The following ZNF382 variants were observed in gnomAD, a reference collection of about 807,000 sequenced individuals.
ZNF382 encodes the protein zinc finger protein 382.
ZNF382 carries 20 observed loss-of-function variants against 38.8 expected under a neutral mutation model. That is an observed-to-expected ratio of 0.51 (90% confidence interval 0.36 to 0.75). The LOEUF (loss-of-function observed/expected upper bound fraction) is 0.75. ZNF382 is among the 30% of genes least tolerant of loss of function. The pLI is 0.00. For synonymous variants in ZNF382, 202 were observed against 223.1 expected (o/e 0.91, Z 0.84); for missense variants, 546 against 654.1 (o/e 0.83, Z 1.80).
At chr19:36,607,116 T>C (rs2037038641) in intron 1 of ZNF382, among the ~76,000 whole-genome samples, 1 of 149,664 alleles carries the variant, frequency 6.7e-6, no homozygotes, top group African/African-American at 2.5e-5. Flanking sequence ...AACTACAACA[T>C]AGACCAGATA....
intron 4 of ZNF382, among the ~76,000 whole-genome samples, chr19:36,613,371 C>G (rs1038036828): frequency 4.7e-5 from 7 of 147,390 alleles, no homozygotes; most frequent in African/African-American, 1.7e-4. Context: ...GGATAATTCT[C>G]TTTTCTAGGT....
In ZNF382 at chr19:36,630,831, C is replaced by G. The variant is rs2037249809; in HGVS notation, c.*3281C>G. 1 of 151,676 alleles carries G rather than the reference C, an allele frequency of 6.6e-6. No homozygotes were observed. The highest frequency in any genetic ancestry group is 2.4e-5 in the African/African-American group (1 of 41,288). 9.4% of individuals were successfully genotyped at this position (151,676 alleles called of 1,614,324 possible). A position where few individuals can be genotyped will look rare whatever the true frequency, so the allele number is the denominator to read the frequency against. The stretch of plus-strand genomic sequence containing the variant: ...ACAGGTTCTCAGTCTGTCACCTAGG[C>G]TGGAGTAGAGTGGTGCCATTATAGC... On this transcript the variant is annotated 3_prime_UTR_variant, in exon 5 of 5. Coordinates refer to ENST00000292928, the MANE Select transcript of ZNF382 (RefSeq NM_032825.5).
intron 4 of ZNF382, among the ~76,000 whole-genome samples, chr19:36,623,914 C>A (rs1308693902): frequency 2.0e-5 from 3 of 151,692 alleles, no homozygotes. Flanking sequence ...CATAGTGAAA[C>A]CCTGTCTCTA....
rs563780133 is a variant in ZNF382 at position 36,628,471 on chromosome 19, C to T, written c.*921C>T. ...GCTGGTTCAAACCAGAGAATTCATG[C>T]TGCAGGGAAACTCAATCAATGTTAT... On this transcript the variant is annotated 3_prime_UTR_variant, in exon 5 of 5. Coordinates refer to ENST00000292928, the MANE Select transcript of ZNF382 (RefSeq NM_032825.5). 5 of 153,230 alleles carry T rather than the reference C, an allele frequency of 3.3e-5. No homozygotes were observed. The East Asian group carries it at 7.7e-4, about 24-fold the overall frequency. The allele number at this position is 153,230 out of a possible 1,614,324, so 9.5% of individuals were successfully genotyped here. A position where few individuals can be genotyped will look rare whatever the true frequency, so the allele number is the denominator to read the frequency against.
chr19:36,622,854 TATATA>T (rs1391256923), intron 4 of ZNF382, among the ~76,000 whole-genome samples: 1 of 152,214 alleles, frequency 6.6e-6, no homozygotes, highest in Non-Finnish European at 1.5e-5. Flanking sequence ...CACACAATAC[TATATA>T]ATATATCATT....
chr19:36,628,684 A>G lies in ZNF382; in HGVS notation c.*1134A>G, dbSNP rs2037234372. ...TGTTCAACATCAGAGAATTCCAACT[A>G]GAGAAAAGTCCTGTGACTGTGTTGA... On this transcript the variant is annotated 3_prime_UTR_variant, in exon 5 of 5. Transcript: ENST00000292928. 1 of 152,594 alleles carries G rather than the reference A, an allele frequency of 6.6e-6. No individual in the cohort carries two copies. The highest frequency in any genetic ancestry group is 1.5e-5 in the Non-Finnish European group (1 of 68,028). The allele number at this position is 152,594 out of a possible 1,614,324, so 9.5% of individuals were successfully genotyped here. A position where few individuals can be genotyped will look rare whatever the true frequency, so the allele number is the denominator to read the frequency against.
intron 4 of ZNF382, among the ~76,000 whole-genome samples, chr19:36,622,486 C>T (rs996383408): frequency 1.7e-4 from 26 of 152,140 alleles, no homozygotes; most frequent in African/African-American, 5.8e-4. Context: ...GCCCTATCGC[C>T]GTGGAGTCAT....
rs766485216 is a variant in ZNF382 at position 36,626,342 on chromosome 19, C to G, written c.445C>G (p.Leu149Val). ...DGKVLKNISE[L>V]VIRNISPIKE... ...AAAAGTTTTGAAAAATATTTCAGAA[C>G]TAGTCATTAGAAATATAAGCCCCAT... is the stretch of plus-strand genomic sequence containing the variant. The change falls in exon 5 of 5, where the codon CTA becomes GTA. Residue 149 changes from leucine to valine, a missense_variant. Leu to Val is a conservative substitution (Grantham distance 32). Coordinates refer to ENST00000292928, the MANE Select transcript of ZNF382 (RefSeq NM_032825.5). 1 of 1,581,042 alleles carries G rather than the reference C, an allele frequency of 6.3e-7. No homozygotes were observed. Among genetic ancestry groups the G allele is most frequent in the Non-Finnish European group, 8.6e-7 (1 of 1,168,992 alleles).
intron 4 of ZNF382, among the ~76,000 whole-genome samples, chr19:36,616,747 G>C (rs2037128946): frequency 6.6e-6 from 1 of 152,202 alleles, no homozygotes; most frequent in Non-Finnish European, 1.5e-5. Flanking sequence ...GCTTGGCTGA[G>C]TGAATAAAAT....
chr19:36,627,019 T>C lies in ZNF382; in HGVS notation c.1122T>C (p.His374=), dbSNP rs768671768. 3 of 1,613,440 alleles carry C rather than the reference T, an allele frequency of 1.9e-6. No individual in the cohort carries two copies. The highest frequency in any genetic ancestry group is 2.5e-6 in the Non-Finnish European group (3 of 1,179,880). ...CCCTCACTAGACATCACAAAACACA[T>C]ACGGGGGAGAAAGCCTATGAATGTC... is the stretch of plus-strand genomic sequence containing the variant. ...KATLTRHHKT[H]TGEKAYECPQ... Residue 374 remains histidine (H), a synonymous_variant, in exon 5 of 5, where the codon CAT becomes CAC. Coordinates refer to ENST00000292928, the MANE Select transcript of ZNF382 (RefSeq NM_032825.5).
At chr19:36,605,623 C>G (rs1233597365) in intron 1 of ZNF382, 1 of 152,224 alleles carries the variant, frequency 6.6e-6, no homozygotes, top group Non-Finnish European at 1.5e-5. Context: ...CCCGCGGAAG[C>G]GCCATCGCTG....
intron 4 of ZNF382, among the ~76,000 whole-genome samples, chr19:36,612,433 G>T (rs2037085162): frequency 6.6e-6 from 1 of 152,134 alleles, no homozygotes; most frequent in Non-Finnish European, 1.5e-5. Flanking sequence ...AAATATTTTT[G>T]TGGACATACA....
chr19:36,621,324 G>GTTTTTTTTTTTTTTTTTTTT, intron 4 of ZNF382, among the ~76,000 whole-genome samples: 1 of 104,472 alleles, frequency 9.6e-6, no homozygotes, highest in Non-Finnish European at 1.9e-5. Flanking sequence ...TTTTTCCCTA[G>GTTTTTTTTTTTTTTTTTTTT]TTTTTTTTTT....
At chr19:36,607,643 T>C (rs1400110475) in intron 2 of ZNF382, 21 bp downstream of exon 2, 1 of 1,513,836 alleles carries the variant, frequency 6.6e-7, no homozygotes, top group African/African-American at 1.4e-5. Flanking sequence ...GTTTCCTCTC[T>C]TTCTGAAATA....
In ZNF382 at chr19:36,632,420, C is replaced by T. The variant is rs918456258; in HGVS notation, c.*4870C>T. ...GGCCAGGCTGGTCTCGAAGTCCTGA[C>T]CTCAGGCAATCCTCCGCCCACCTCG... On this transcript the variant is annotated 3_prime_UTR_variant, in exon 5 of 5. Transcript: ENST00000292928. 3 of 152,280 alleles carry T rather than the reference C, an allele frequency of 2.0e-5. No individual in the cohort carries two copies. The highest frequency in any genetic ancestry group is 7.2e-5 in the African/African-American group (3 of 41,440). The allele number at this position is 152,280 out of a possible 1,614,324, so 9.4% of individuals were successfully genotyped here.
chr19:36,607,244 A>G (rs1343399995), intron 1 of ZNF382, among the ~76,000 whole-genome samples: 1 of 152,188 alleles, frequency 6.6e-6, no homozygotes, highest in East Asian at 1.9e-4. Context: ...AATACACAGT[A>G]AACCTGTGGT....
intron 4 of ZNF382, among the ~76,000 whole-genome samples, chr19:36,624,526 A>AT (rs1022637837): frequency 6.6e-6 from 1 of 152,136 alleles, no homozygotes; most frequent in Non-Finnish European, 1.5e-5. Flanking sequence ...ATATACAATA[A>AT]TTTTTTTTAA....
At position 36,628,694 on chromosome 19, in the gene ZNF382, CCTGTGA is replaced by C. The variant is rs2037234465; in HGVS notation, c.*1150_*1155del. On this transcript the variant is annotated 3_prime_UTR_variant, in exon 5 of 5. Coordinates refer to ENST00000292928, the MANE Select transcript of ZNF382 (RefSeq NM_032825.5). Reference sequence around the variant, plus strand: ...CAGAGAATTCCAACTAGAGAAAAGTCCTGTGACTGTGTTGAAGTTAGGGCGTGGGGA... The same window carrying C: ...CAGAGAATTCCAACTAGAGAAAAGTCCTGTGTTGAAGTTAGGGCGTGGGGA... 1 of 152,712 alleles carries C rather than the reference CCTGTGA, an allele frequency of 6.5e-6. No individual in the cohort carries two copies. Among genetic ancestry groups the C allele is most frequent in the African/African-American group, 2.4e-5 (1 of 41,554 alleles). The allele number at this position is 152,712 out of a possible 1,614,324, so 9.5% of individuals were successfully genotyped here.
Position 36,631,886 on chromosome 19 carries a change from A to G in ZNF382, c.*4336A>G, listed in dbSNP as rs1047709972. ...AAAATAGGAGTGATTTTACAAATTC[A>G]TATTTTGTAGACCTAACTGCAAGGT... On this transcript the variant is annotated 3_prime_UTR_variant, in exon 5 of 5. Coordinates refer to ENST00000292928, the MANE Select transcript of ZNF382 (RefSeq NM_032825.5). 3 of 152,240 alleles carry G rather than the reference A, an allele frequency of 2.0e-5. No individual in the cohort carries two copies. The highest frequency in any genetic ancestry group is 6.5e-5 in the Admixed American group (1 of 15,286). The allele number at this position is 152,240 out of a possible 1,614,324, so 9.4% of individuals were successfully genotyped here. A position where few individuals can be genotyped will look rare whatever the true frequency, so the allele number is the denominator to read the frequency against.
Sources: gnomAD v4.1 joint callset for allele counts (sites outside exome capture counted in the v4.1 genomes callset) on GRCh38, gnomAD v4.1.1 for gene constraint, MANE v1.5 for transcripts, NCBI Gene and HGNC (gene_info 2026-07-23, HGNC 2026-07-21) for gene names.